The following PIK3R5 variants were observed in gnomAD, a reference collection of about 807,000 sequenced individuals.
The protein encoded by PIK3R5 is phosphoinositide 3-kinase regulatory subunit 5.
A neutral mutation model predicts 94.9 loss-of-function variants in PIK3R5; 32 were observed. The ratio of observed to expected loss-of-function variants is 0.34; its 90% CI spans 0.25 to 0.45. The LOEUF is 0.45. Among genes scored for constraint, PIK3R5 ranks in the 20% least tolerant of loss-of-function variants. The pLI, the probability that PIK3R5 is intolerant of heterozygous loss-of-function variation, is 1.00. For missense variants in PIK3R5, 853 were observed against 1,144.6 expected (o/e 0.75, Z 3.68); for synonymous variants, 443 against 479.4 (o/e 0.92, Z 0.99).
chr17:8,886,897 G>A (rs1052524558), intron 12 of PIK3R5, among the ~76,000 whole-genome samples, 199 bp downstream of exon 12: 1 of 152,188 alleles, frequency 6.6e-6, no homozygotes, highest in Non-Finnish European at 1.5e-5. Flanking sequence ...CTCCATCACT[G>A]CAGTGACCCC....
intron 5 of PIK3R5, among the ~76,000 whole-genome samples, chr17:8,900,810 C>T (rs981237728): frequency 6.6e-6 from 1 of 152,134 alleles, no homozygotes; most frequent in South Asian, 2.1e-4. Flanking sequence ...TTCTACCCAG[C>T]CGCCTGCAAA....
At chr17:8,929,359 G>A (rs1412667119) in intron 1 of PIK3R5, among the ~76,000 whole-genome samples, 2 of 151,670 alleles carry the variant, frequency 1.3e-5, no homozygotes, top group African/African-American at 4.8e-5. Context: ...AAAAGGGTGG[G>A]AAAATATATA....
rs1185184009 is a variant in PIK3R5, at chr17:8,940,006, T to A, written c.-14+25590A>T. 3.9e-5 allele frequency among the ~76,000 whole-genome samples: 6 copies of A among 152,224 alleles called. No individual in the cohort carries two copies. In the East Asian group the frequency reaches 1.2e-3, roughly 29 times the overall value. ...TCTTACACATCTCTCTCAGGACAGT[T>A]TAATTCCTTTTAAAAACAACCCCCA... On this transcript the variant is annotated intron_variant, in intron 1 of 18. Transcript: ENST00000447110.
intron 1 of PIK3R5, among the ~76,000 whole-genome samples, chr17:8,928,494 C>T (rs892250600): frequency 6.6e-6 from 1 of 152,082 alleles, no homozygotes; most frequent in Non-Finnish European, 1.5e-5. Context: ...AAGAAAAAAT[C>T]TTGAAAGGAT....
chr17:8,919,533 G>A (rs1168286285), intron 1 of PIK3R5, among the ~76,000 whole-genome samples: 1 of 152,176 alleles, frequency 6.6e-6, no homozygotes, highest in Non-Finnish European at 1.5e-5. Context: ...CTTTGAGAAT[G>A]TTCAAGTTAT....
At chr17:8,937,317 C>T (rs1482021161) in intron 1 of PIK3R5, among the ~76,000 whole-genome samples, 8 of 152,160 alleles carry the variant, frequency 5.3e-5, no homozygotes, top group Admixed American at 5.2e-4. Context: ...GACATCTTTG[C>T]CTTGGTCCCA....
intron 1 of PIK3R5, among the ~76,000 whole-genome samples, chr17:8,965,076 G>A (rs570402936): frequency 6.6e-6 from 1 of 152,164 alleles, no homozygotes; most frequent in African/African-American, 2.4e-5. Flanking sequence ...TCCTCTGAGA[G>A]CAGAAAGCGT....
chr17:8,893,086 T>G lies in PIK3R5; in HGVS notation c.482+500A>C, dbSNP rs453255. Among the ~76,000 whole-genome samples the G allele has an allele frequency of 0.025, 1,936 of 78,900 alleles. 29 individuals are homozygous for G. Among genetic ancestry groups the G allele is most frequent in the African/African-American group, 0.12 (1,433 of 12,458 alleles). 51.8% of individuals were successfully genotyped at this position (78,900 alleles called of 152,430 possible). On this transcript the variant is annotated intron_variant, in intron 6 of 18. Coordinates refer to ENST00000447110, the MANE Select transcript of PIK3R5 (RefSeq NM_001142633.3). This position sits in a 1 kb window ranked among gnomAD's most constrained non-coding sequence, Gnocchi z 5.1. ...TGTGTGTGTGTGTGTGTGTGTGTGT[T>G]TGTGTATCAGGCTGTCATATAAAAT...
intron 14 of PIK3R5, among the ~76,000 whole-genome samples, chr17:8,885,993 C>A (rs1204696552): frequency 6.6e-6 from 1 of 151,474 alleles, no homozygotes; most frequent in Non-Finnish European, 1.5e-5. Context: ...CTGGGTAACC[C>A]TACCTTCCCG....
rs757595894 is a variant in PIK3R5 at position 8,888,130 on chromosome 17, G to A, written c.1616+41C>T. ...CAGATTCCACCAGCACAACAACCCT[G>A]TTACCCAGGGCAGAGGGATGCTCCG... On this transcript the variant is annotated intron_variant, in intron 10 of 18. Coordinates refer to ENST00000447110, the MANE Select transcript of PIK3R5 (RefSeq NM_001142633.3). This position sits in a 1 kb window ranked among gnomAD's most constrained non-coding sequence, Gnocchi z 7.8. The A allele has an allele frequency of 1.2e-6, 2 of 1,604,790 alleles. No individual in the cohort carries two copies. The highest frequency in any genetic ancestry group is 2.2e-5 in the South Asian group (2 of 90,788).
Position 8,882,742 on chromosome 17 carries a change from C to T in PIK3R5, c.2206-861G>A, listed in dbSNP as rs2089710743. ...CCCCAGAGAAGATGGTGCTGCCAGT[C>T]ACAGAGGAGTGACTCCAGGAGTCTG... On this transcript the variant is annotated intron_variant, in intron 15 of 18. Transcript: ENST00000447110. The surrounding 1 kb of genome is among the most constrained non-coding windows in gnomAD (Gnocchi z 4.1). 6.6e-6 allele frequency among the ~76,000 whole-genome samples: 1 copy of T among 152,174 alleles called. No individual in the cohort carries two copies. Among genetic ancestry groups the T allele is most frequent in the African/African-American group, 2.4e-5 (1 of 41,436 alleles).
intron 1 of PIK3R5, among the ~76,000 whole-genome samples, chr17:8,952,417 C>T (rs1390034448): frequency 1.3e-5 from 2 of 152,314 alleles, no homozygotes; most frequent in Middle Eastern, 3.4e-3. Context: ...ACGGTATACC[C>T]AAAATTTCCT....
chr17:8,904,702 A>G lies in PIK3R5; in HGVS notation c.412+75T>C. The G allele has an allele frequency of 6.7e-7, 1 of 1,502,026 alleles. No homozygotes were observed. Among genetic ancestry groups the G allele is most frequent in the Non-Finnish European group, 9.2e-7 (1 of 1,092,810 alleles). 93.0% of individuals were successfully genotyped at this position (1,502,026 alleles called of 1,614,324 possible). A position where few individuals can be genotyped will look rare whatever the true frequency, so the allele number is the denominator to read the frequency against. On this transcript the variant is annotated intron_variant, in intron 5 of 18. Coordinates refer to ENST00000447110, the MANE Select transcript of PIK3R5 (RefSeq NM_001142633.3). This position sits in a 1 kb window ranked among gnomAD's most constrained non-coding sequence, Gnocchi z 5.1. ...GATGCAAGGTAAGGAGGGTCACAAA[A>G]AACAGTTTCAGAGGAGTTGGAAGCA...
At chr17:8,900,260 A>G (rs1053803574) in intron 5 of PIK3R5, among the ~76,000 whole-genome samples, 3 of 152,188 alleles carry the variant, frequency 2.0e-5, no homozygotes, top group Non-Finnish European at 4.4e-5. Flanking sequence ...ACTATTTGGT[A>G]TCTAACTTTG....
Position 8,935,825 on chromosome 17 carries a change from C to T in PIK3R5, c.-13-24318G>A, listed in dbSNP as rs1003054223. ...ATCCCAGCACTTTGGGAGGCTGAGG[C>T]GGGCGGATCACGAGGTCAGGAGATC... is the stretch of plus-strand genomic sequence containing the variant. On this transcript the variant is annotated intron_variant, in intron 1 of 18. Transcript: ENST00000447110. The surrounding 1 kb of genome is among the most constrained non-coding windows in gnomAD (Gnocchi z 4.5). Among the ~76,000 whole-genome samples, 3 of 152,138 alleles carry T rather than the reference C, an allele frequency of 2.0e-5. No individual in the cohort carries two copies. The highest frequency in any genetic ancestry group is 2.1e-4 in the South Asian group (1 of 4,814).
chr17:8,887,712 A>G lies in PIK3R5; in HGVS notation c.1617-29T>C, dbSNP rs61761061. On this transcript the variant is annotated intron_variant, in intron 10 of 18. Transcript: ENST00000447110. Reference sequence around the variant, plus strand: ...GCAAGAAGAAGATGGTGAGAAGGGGAATGGGCATGGTGGCTCACGCCTGTA... The same window carrying G: ...GCAAGAAGAAGATGGTGAGAAGGGGGATGGGCATGGTGGCTCACGCCTGTA... The G allele has an allele frequency of 5.6e-3, 8,708 of 1,565,484 alleles. 406 individuals are homozygous for G. The African/African-American group carries it at 0.1, about 18-fold the overall frequency.
chr17:8,902,833 T>C (rs910930011), intron 5 of PIK3R5, among the ~76,000 whole-genome samples: 9 of 148,736 alleles, frequency 6.1e-5, no homozygotes, highest in African/African-American at 2.3e-4. Context: ...CTTAATTTTA[T>C]TTTTTAGATA....
intron 1 of PIK3R5, among the ~76,000 whole-genome samples, chr17:8,933,773 AGTT>A (rs1167757548): frequency 1.3e-5 from 2 of 152,218 alleles, no homozygotes; most frequent in Admixed American, 1.3e-4. Context: ...GTACTTGGAA[AGTT>A]GTTGTACTGA....
chr17:8,892,849 C>A lies in PIK3R5; in HGVS notation c.482+737G>T, dbSNP rs570738710. Among the ~76,000 whole-genome samples, 1 of 152,146 alleles carries A rather than the reference C, an allele frequency of 6.6e-6. No homozygotes were observed. The highest frequency in any genetic ancestry group is 2.1e-4 in the South Asian group (1 of 4,830). On this transcript the variant is annotated intron_variant, in intron 6 of 18. Transcript: ENST00000447110. This position sits in a 1 kb window ranked among gnomAD's most constrained non-coding sequence, Gnocchi z 4.3. ...CGGGGTCCCTGGGCTCCCAACATGT[C>A]AAGGTGAGACAGCACCCAACTCTTC...
Sources: allele counts gnomAD v4.1 joint callset (sites outside exome capture counted in the v4.1 genomes callset), GRCh38; gene constraint gnomAD v4.1.1; non-coding constraint Gnocchi (gnomAD v3.1); transcripts MANE v1.5; gene names NCBI Gene and HGNC (gene_info 2026-07-23, HGNC 2026-07-21).